The following STAT5B variants were observed in gnomAD, a reference collection of about 807,000 sequenced individuals.
The protein encoded by STAT5B is transcription factor STAT5B.
In STAT5B, 21 loss-of-function variants were observed where a neutral mutation model predicts 107.8. The observed-to-expected ratio is 0.19, with a 90% CI of 0.14 to 0.28. The LOEUF is 0.28. Ranked by LOEUF, STAT5B falls within the 10% of genes least tolerant of loss-of-function variation. STAT5B has a pLI of 1.00. For missense variants in STAT5B, 565 were observed against 1,008.2 expected, an observed-to-expected ratio of 0.56 and a Z score of 5.95; for synonymous variants, 325 against 401.7, an observed-to-expected ratio of 0.81 and a Z score of 2.28.
rs2144237225 is a variant in STAT5B, at chr17:42,216,057, T to C, written c.1430A>G (p.Asn477Ser). The change falls in exon 12 of 19, where the codon AAT (asparagine) becomes AGT (serine). Residue 477 changes from asparagine (N) to serine (S), a missense_variant. Physicochemically the swap from Asn to Ser is conservative, Grantham distance 46. Around this residue, in one of 11 missense-constraint regions of STAT5B, gnomAD observed 127 missense variants for 215.8 expected, o/e 0.59. Coordinates refer to ENST00000293328, the MANE Select transcript of STAT5B (RefSeq NM_012448.4). ...VVIVHGSQDN[N>S]ATATVLWDNA... ...GTCCCAGAGAACAGTGGCCGTCGCA[T>C]TGTTGTCCTGGCTGCCATGAACGAT... 1 of 1,613,992 alleles carries C rather than the reference T, an allele frequency of 6.2e-7. No individual in the cohort carries two copies. Among genetic ancestry groups the C allele is most frequent in the Non-Finnish European group, 8.5e-7 (1 of 1,179,986 alleles).
rs1194541781 is a variant in STAT5B, at chr17:42,200,892, G to T, written c.*846C>A. ...CAGGCAACAATCTCAGCGCCTGGGA[G>T]TCAGGGCTGCGCACTCCACTCTGGC... is the stretch of plus-strand genomic sequence containing the variant. On this transcript the variant is annotated 3_prime_UTR_variant, in exon 19 of 19. Coordinates refer to ENST00000293328, the MANE Select transcript of STAT5B (RefSeq NM_012448.4). 2.5e-6 allele frequency: 1 copy of T among 394,756 alleles called. No individual in the cohort carries two copies. Among genetic ancestry groups the T allele is most frequent in the African/African-American group, 2.1e-5 (1 of 48,708 alleles). The allele number at this position is 394,756 out of a possible 1,614,324, so 24.5% of individuals were successfully genotyped here. A position where few individuals can be genotyped will look rare whatever the true frequency, so the allele number is the denominator to read the frequency against.
At chr17:42,237,450 C>T (rs533023736) in intron 1 of STAT5B, among the ~76,000 whole-genome samples, 2 of 152,286 alleles carry the variant, frequency 1.3e-5, no homozygotes, top group East Asian at 3.9e-4. Flanking sequence ...TACTCTCTCT[C>T]TGAAGACTTG....
chr17:42,244,804 T>C (rs1369175174), intron 1 of STAT5B, among the ~76,000 whole-genome samples: 2 of 152,200 alleles, frequency 1.3e-5, no homozygotes, highest in Non-Finnish European at 2.9e-5. Context: ...TAGACTATAA[T>C]GTATTAATCT....
At chr17:42,212,594 T>G (rs2080138680) in intron 12 of STAT5B, among the ~76,000 whole-genome samples, 2 of 152,232 alleles carry the variant, frequency 1.3e-5, no homozygotes, top group African/African-American at 4.8e-5. Flanking sequence ...CGTGTCGGCA[T>G]GTGTGTACAC....
At chr17:42,267,467 G>A (rs921491917) in intron 1 of STAT5B, among the ~76,000 whole-genome samples, 2 of 152,102 alleles carry the variant, frequency 1.3e-5, no homozygotes, top group Non-Finnish European at 2.9e-5. Context: ...ACTAATGTGT[G>A]TGTTTATGCC....
intron 3 of STAT5B, 132 bp downstream of exon 3, chr17:42,227,397 C>A (rs1392143970): frequency 1.1e-4 from 138 of 1,233,756 alleles, no homozygotes; most frequent in South Asian, 4.7e-4. Flanking sequence ...AAAAAAAGAC[C>A]AAAACCACAC....
In STAT5B at chr17:42,271,482, T is replaced by C. The variant is rs970625018; in HGVS notation, c.-11+4766A>G. On this transcript the variant is annotated intron_variant, in intron 1 of 18. Coordinates refer to ENST00000293328, the MANE Select transcript of STAT5B (RefSeq NM_012448.4). ...TACTGCTCTCAAACCATGCTCTATA[T>C]CTTAGTATAATTTAAAAAATGAGTC... 8 of 152,236 alleles carry C rather than the reference T, an allele frequency of 5.3e-5. No homozygotes were observed. The East Asian group carries it at 1.5e-3, about 29-fold the overall frequency. 9.4% of individuals were successfully genotyped at this position (152,236 alleles called of 1,614,324 possible).
In STAT5B at chr17:42,239,074, C is replaced by A. The variant is rs1225042992; in HGVS notation, c.-10-6937G>T. 2.0e-5 allele frequency among the ~76,000 whole-genome samples: 3 copies of A among 151,438 alleles called. No homozygotes were observed. The East Asian group carries it at 5.8e-4, about 30-fold the overall frequency. On this transcript the variant is annotated intron_variant, in intron 1 of 18. Coordinates refer to ENST00000293328, the MANE Select transcript of STAT5B (RefSeq NM_012448.4). ...ACCATCCTGGCCAAAATGGTGAAAA[C>A]CCATCTCTACTAAAAATACAAAAAT...
At chr17:42,278,840 G>A (rs2080783157), upstream of STAT5B, among the ~76,000 whole-genome samples, 4 of 152,004 alleles carry the variant, frequency 2.6e-5, no homozygotes, top group Admixed American at 6.5e-5. Context: ...TTAGCTGGAC[G>A]TGGTGGTGCG....
intron 16 of STAT5B, among the ~76,000 whole-genome samples, chr17:42,203,982 GC>G (rs1339540829): frequency 2.0e-5 from 3 of 152,074 alleles, no homozygotes; most frequent in Admixed American, 2.0e-4. Flanking sequence ...TAATGGAAAG[GC>G]CTAGGCACTG....
chr17:42,268,925 T>G (rs2080697743), intron 1 of STAT5B, among the ~76,000 whole-genome samples: 1 of 152,232 alleles, frequency 6.6e-6, no homozygotes, highest in African/African-American at 2.4e-5. Context: ...TTTTTAGTAC[T>G]TTAAGAGATC....
chr17:42,279,889 C>G (rs1183613719), upstream of STAT5B, among the ~76,000 whole-genome samples: 2 of 152,028 alleles, frequency 1.3e-5, no homozygotes, highest in Non-Finnish European at 2.9e-5. Context: ...TGATGGTCAC[C>G]AGGCACCAAG....
chr17:42,262,942 ATGTGTGTGTGTGTG>A (rs755220447), intron 1 of STAT5B, among the ~76,000 whole-genome samples: 3 of 45,426 alleles, frequency 6.6e-5, no homozygotes, highest in Admixed American at 2.8e-4. Context: ...ATGTATATAT[ATGTGTGTGTGTGTG>A]TGTGTGTGTG....
intron 1 of STAT5B, chr17:42,235,332 T>C (rs901512414): frequency 2.0e-5 from 3 of 152,222 alleles, no homozygotes; most frequent in Non-Finnish European, 2.9e-5. Flanking sequence ...ACCTGGCACA[T>C]AAGCATCATA....
chr17:42,201,097 G>A lies in STAT5B; in HGVS notation c.*641C>T, dbSNP rs1462858181. The A allele has an allele frequency of 9.9e-6, 4 of 404,522 alleles. No individual in the cohort carries two copies. The Admixed American group carries it at 1.3e-4, about 13-fold the overall frequency. 25.1% of individuals were successfully genotyped at this position (404,522 alleles called of 1,614,324 possible). A position where few individuals can be genotyped will look rare whatever the true frequency, so the allele number is the denominator to read the frequency against. ...AGATGAGCTAAATGTTTTGTGAAAA[G>A]CCACCGCCCATCCGAAAGCTTGTGA... On this transcript the variant is annotated 3_prime_UTR_variant, in exon 19 of 19. Transcript: ENST00000293328.
At chr17:42,229,874 A>AG (rs1330345843) in intron 2 of STAT5B, among the ~76,000 whole-genome samples, 1 of 152,128 alleles carries the variant, frequency 6.6e-6, no homozygotes, top group Non-Finnish European at 1.5e-5. Flanking sequence ...CAAAAAAAAA[A>AG]AAGAATTGAA....
At chr17:42,283,247 A>AC in the STAT5B span, among the ~76,000 whole-genome samples, 2 of 146,250 alleles carry the variant, frequency 1.4e-5, no homozygotes, top group Non-Finnish European at 2.9e-5. Flanking sequence ...GCCAGGCTTG[A>AC]CCCAGGGCTG....
Position 42,243,579 on chromosome 17 carries a change from G to C in STAT5B, c.-10-11442C>G, listed in dbSNP as rs77972115. On this transcript the variant is annotated intron_variant, in intron 1 of 18. Transcript: ENST00000293328. ...AACGGAAGAGTGACAGTGGTGGGGA[G>C]TGTGGGAAAGTAAATCTAACAACTG... Among the ~76,000 whole-genome samples the C allele has an allele frequency of 1.4e-3, 217 of 152,290 alleles. 2 individuals carry two copies. The East Asian group carries it at 0.035, about 25-fold the overall frequency.
At chr17:42,240,464 A>G (rs1467206367) in intron 1 of STAT5B, among the ~76,000 whole-genome samples, 1 of 152,134 alleles carries the variant, frequency 6.6e-6, no homozygotes, top group Non-Finnish European at 1.5e-5. Flanking sequence ...CGGAAAATAG[A>G]TTGTTGGTTG....
Sources: allele counts gnomAD v4.1 joint callset (sites outside exome capture counted in the v4.1 genomes callset), GRCh38; gene constraint gnomAD v4.1.1; regional missense constraint gnomAD v4.1.1; transcripts MANE v1.5; gene names NCBI Gene and HGNC (gene_info 2026-07-23, HGNC 2026-07-21).